WDR70: variants seen among roughly 807,000 people sequenced by gnomAD.
WDR70 encodes the protein WD repeat domain 70, also known as WD repeat-containing protein 70.
Under a neutral mutation model 88.6 loss-of-function variants are expected in WDR70, and 53 were observed. The ratio of observed to expected loss-of-function variants is 0.60; its 90% CI spans 0.48 to 0.75. WDR70 has a LOEUF of 0.75. Ranked by LOEUF, WDR70 falls within the 30% of genes least tolerant of loss-of-function variation. The pLI is 0.00. For synonymous variants in WDR70, 280 were observed against 270.0 expected (o/e 1.04, Z -0.36); for missense variants, 610 against 823.2 (o/e 0.74, Z 3.17).
chr5:37,675,951 T>A (rs1035372412), intron 10 of WDR70, among the ~76,000 whole-genome samples: 1 of 152,016 alleles, frequency 6.6e-6, no homozygotes, highest in Non-Finnish European at 1.5e-5. Flanking sequence ...GTCCTTCACG[T>A]CCCTTGTAAG....
At chr5:37,549,038 A>G (rs1366072871) in intron 9 of WDR70, among the ~76,000 whole-genome samples, 2 of 152,152 alleles carry the variant, frequency 1.3e-5, no homozygotes, top group Non-Finnish European at 2.9e-5. Context: ...TGTTCTGGTT[A>G]CTGTCACTCT....
At chr5:37,486,834 T>A (rs1247213801) in intron 8 of WDR70, among the ~76,000 whole-genome samples, 1 of 150,032 alleles carries the variant, frequency 6.7e-6, no homozygotes, top group Non-Finnish European at 1.5e-5. Context: ...TCTTGTAAAT[T>A]TGTTTAAGTT....
intron 5 of WDR70, among the ~76,000 whole-genome samples, chr5:37,413,678 C>T (rs1453156021): frequency 6.8e-6 from 1 of 146,642 alleles, no homozygotes; most frequent in Non-Finnish European, 1.5e-5. Context: ...GCCGAGATCG[C>T]ACCACTGCAC....
chr5:37,437,527 C>A (rs1006587845), intron 5 of WDR70, among the ~76,000 whole-genome samples: 77 of 152,100 alleles, frequency 5.1e-4, no homozygotes, highest in African/African-American at 1.7e-3. Flanking sequence ...TCAACCTTTT[C>A]GCTCCTCTTG....
At chr5:37,496,943 G>A (rs547698866) in intron 8 of WDR70, among the ~76,000 whole-genome samples, 1 of 152,314 alleles carries the variant, frequency 6.6e-6, no homozygotes, top group East Asian at 1.9e-4. Context: ...GTGTGGTGTA[G>A]TGTACAGGAT....
intron 7 of WDR70, among the ~76,000 whole-genome samples, chr5:37,448,907 A>T (rs1429457236): frequency 1.3e-5 from 2 of 152,156 alleles, no homozygotes; most frequent in African/African-American, 4.8e-5. Flanking sequence ...CTTTTGTCTG[A>T]TGCTTTTCTC....
At chr5:37,410,289 A>G (rs375067947) in intron 5 of WDR70, among the ~76,000 whole-genome samples, 1 of 144,792 alleles carries the variant, frequency 6.9e-6, no homozygotes, top group African/African-American at 2.6e-5. Flanking sequence ...TCTGCCTGCC[A>G]TGGCCTCCCA....
chr5:37,675,012 T>A (rs1347795993), intron 10 of WDR70, among the ~76,000 whole-genome samples: 1 of 151,618 alleles, frequency 6.6e-6, no homozygotes, highest in Non-Finnish European at 1.5e-5. Flanking sequence ...CATGTGTTTT[T>A]TGGCTGCATA....
In WDR70 at chr5:37,479,934, G is replaced by T. The variant is rs761221964; in HGVS notation, c.787G>T (p.Val263Leu). Residue 263 changes from valine (V) to leucine (L), a missense_variant, in exon 8 of 18, where the codon GTA becomes TTA. Val to Leu is a conservative substitution (Grantham distance 32). Transcript: ENST00000265107. ...AKVIDRDGFEVMECIKGDQYI... is the reference protein window; with the variant it reads ...AKVIDRDGFELMECIKGDQYI... Reference sequence around the variant, plus strand: ...GGTGATTGACAGAGATGGTTTTGAAGTAATGGAATGTATAAAAGGAGACCA... The same window carrying T: ...GGTGATTGACAGAGATGGTTTTGAATTAATGGAATGTATAAAAGGAGACCA... The T allele has an allele frequency of 6.2e-7, 1 of 1,614,134 alleles. No individual in the cohort carries two copies. The highest frequency in any genetic ancestry group is 1.1e-5 in the South Asian group (1 of 91,078).
chr5:37,678,557 G>GC (rs1746310015), intron 10 of WDR70, among the ~76,000 whole-genome samples: 1 of 152,120 alleles, frequency 6.6e-6, no homozygotes, highest in South Asian at 2.1e-4. Context: ...TTGAATATTG[G>GC]CCCCCACTCT....
At chr5:37,455,683 C>T (rs1462433127) in intron 7 of WDR70, among the ~76,000 whole-genome samples, 1 of 86,580 alleles carries the variant, frequency 1.2e-5, no homozygotes, top group Non-Finnish European at 2.3e-5. Context: ...CTTCTTAAGC[C>T]AATTCACTTT....
intron 10 of WDR70, among the ~76,000 whole-genome samples, chr5:37,656,152 A>T (rs1416706553): frequency 1.3e-5 from 2 of 151,422 alleles, no homozygotes; most frequent in Non-Finnish European, 2.9e-5. Context: ...GTTGATGTTG[A>T]TGCTCTTCCT....
chr5:37,731,090 G>C (rs1331332576), intron 17 of WDR70, among the ~76,000 whole-genome samples: 1 of 152,126 alleles, frequency 6.6e-6, no homozygotes, highest in Admixed American at 6.6e-5. Flanking sequence ...GGTCAGAGTT[G>C]TCCTGGTCAG....
chr5:37,670,019 G>GA (rs577267750), intron 10 of WDR70, among the ~76,000 whole-genome samples: 1 of 151,728 alleles, frequency 6.6e-6, no homozygotes, highest in Non-Finnish European at 1.5e-5. Flanking sequence ...GAAATATTAA[G>GA]AAAAAAAAGG....
At chr5:37,496,173 G>C (rs1319750938) in intron 8 of WDR70, among the ~76,000 whole-genome samples, 5 of 152,174 alleles carry the variant, frequency 3.3e-5, no homozygotes, top group Admixed American at 3.3e-4. Context: ...TCAGTGCTCT[G>C]TAAAATGGAC....
intron 13 of WDR70, among the ~76,000 whole-genome samples, chr5:37,711,812 G>T (rs1747519195): frequency 6.6e-6 from 1 of 152,094 alleles, no homozygotes; most frequent in East Asian, 1.9e-4. Flanking sequence ...GCACATAGTA[G>T]ATGCTTGGTG....
intron 9 of WDR70, among the ~76,000 whole-genome samples, chr5:37,541,548 A>G (rs1741815881): frequency 6.6e-6 from 1 of 152,240 alleles, no homozygotes; most frequent in Non-Finnish European, 1.5e-5. Flanking sequence ...ATAGGTTAAC[A>G]AGGAGGAAAA....
chr5:37,408,646 C>T (rs1749427774), intron 5 of WDR70, among the ~76,000 whole-genome samples: 1 of 152,100 alleles, frequency 6.6e-6, no homozygotes, highest in African/African-American at 2.4e-5. Flanking sequence ...GGGCAACTAG[C>T]AACTAAGCAG....
At chr5:37,657,048 AG>A (rs993195074) in intron 10 of WDR70, among the ~76,000 whole-genome samples, 68 of 152,148 alleles carry the variant, frequency 4.5e-4, no homozygotes, top group African/African-American at 1.6e-3. Flanking sequence ...GGGTATGAAA[AG>A]AAACTCCTGC....
Sources: gnomAD v4.1 joint callset for allele counts (sites outside exome capture counted in the v4.1 genomes callset) on GRCh38, gnomAD v4.1.1 for gene constraint, MANE v1.5 for transcripts, NCBI Gene and HGNC (gene_info 2026-07-23, HGNC 2026-07-21) for gene names.